The following PRPS1 variants were observed in gnomAD, a reference collection of about 807,000 sequenced individuals.
PRPS1 encodes ribose-phosphate pyrophosphokinase 1.
PRPS1 carries 1 observed loss-of-function variant against 16.9 expected under a neutral mutation model. That is an observed-to-expected ratio of 0.06 (90% CI 0.02 to 0.28). PRPS1 has a LOEUF of 0.28. Among genes scored for constraint, PRPS1 ranks in the 10% least tolerant of loss-of-function variants. PRPS1 has a pLI of 1.00. For synonymous variants in PRPS1, 70 were observed against 90.2 expected, an observed-to-expected ratio of 0.78 and a Z score of 1.27; for missense variants, 47 against 254.0, an observed-to-expected ratio of 0.19 and a Z score of 5.54.
chrX:107,632,694 A>G (rs898609014), intron 1 of PRPS1, among the ~76,000 whole-genome samples: 1 of 112,527 alleles, frequency 8.9e-6, no homozygotes, highest in African/African-American at 3.2e-5. Flanking sequence ...CACTTAATAG[A>G]TTATGTTAGG....
At chrX:107,649,768 A>G (rs1406998642) in intron 6 of PRPS1, among the ~76,000 whole-genome samples, 172 bp from the exon 7 acceptor site, 1 of 112,560 alleles carries the variant, frequency 8.9e-6, no homozygotes. Context: ...GTAAGTGGCT[A>G]TCTTAAAAAT....
At chrX:107,642,626 T>G in intron 4 of PRPS1, 136 bp downstream of exon 4, 1 of 793,125 alleles carries the variant, frequency 1.3e-6, no homozygotes, top group Non-Finnish European at 1.9e-6. Flanking sequence ...GCACATGGGT[T>G]GAATATAGTT....
Position 107,639,445 on chromosome X carries a change from C to T in PRPS1, c.273C>T (p.Cys91=). ...SASRVTAVIP[C]FPYARQDKKD... ...GCCGGGTTACTGCAGTCATCCCATG[C>T]TTCCCTTATGCCCGGCAGGATAAGA... The change falls in exon 2 of 7, where the codon TGC becomes TGT. Residue 91 remains cysteine, a synonymous_variant. Coordinates refer to ENST00000372435, the MANE Select transcript of PRPS1 (RefSeq NM_002764.4). 1 of 1,211,863 alleles carries T rather than the reference C, an allele frequency of 8.3e-7. No homozygotes were observed. Among genetic ancestry groups the T allele is most frequent in the Non-Finnish European group, 1.1e-6 (1 of 895,559 alleles).
chrX:107,649,706 C>T lies in PRPS1; in HGVS notation c.865-234C>T, dbSNP rs140185431. On this transcript the variant is annotated intron_variant, in intron 6 of 6. Transcript: ENST00000372435. Reference sequence around the variant, plus strand: ...TCCTGGCCTCAAGTGATCTGCCCACCTTGGCCTCCCAAAGTGCAGGGATTA... The same window carrying T: ...TCCTGGCCTCAAGTGATCTGCCCACTTTGGCCTCCCAAAGTGCAGGGATTA... Among the ~76,000 whole-genome samples, 6,499 of 111,864 alleles carry T rather than the reference C, an allele frequency of 0.058. 478 individuals are homozygous for T. Among genetic ancestry groups the T allele is most frequent in the African/African-American group, 0.2 (6,140 of 30,606 alleles).
Position 107,647,720 on chromosome X carries a change from T to C in PRPS1, c.819T>C (p.Asn273=). 1 of 1,211,542 alleles carries C rather than the reference T, an allele frequency of 8.3e-7. No individual in the cohort carries two copies. The highest frequency in any genetic ancestry group is 3.0e-5 in the East Asian group (1 of 33,835). ...GCTTTGAGGCAGTAGTAGTCACCAA[T>C]ACCATACCTCAGGAGGACAAGATGA... ...NACFEAVVVT[N]TIPQEDKMKH... The change falls in exon 6 of 7, where the codon AAT becomes AAC. Residue 273 remains asparagine (N), a synonymous_variant. Coordinates refer to ENST00000372435, the MANE Select transcript of PRPS1 (RefSeq NM_002764.4).
chrX:107,642,630 T>C, intron 4 of PRPS1, 140 bp downstream of exon 4: 1 of 781,580 alleles, frequency 1.3e-6, no homozygotes, highest in East Asian at 3.4e-5. Context: ...ATGGGTTGAA[T>C]ATAGTTTTAC....
intron 6 of PRPS1, 125 bp downstream of exon 6, chrX:107,647,890 C>A: frequency 1.3e-6 from 1 of 790,080 alleles, no homozygotes; most frequent in Non-Finnish European, 1.8e-6. Context: ...GTCTTGTCAT[C>A]AGAATTTGTG....
intron 4 of PRPS1, among the ~76,000 whole-genome samples, chrX:107,644,564 C>T (rs752712507): frequency 8.9e-6 from 1 of 111,919 alleles, no homozygotes; most frequent in Admixed American, 9.5e-5. Context: ...CGTGTCTTAG[C>T]GTTATACTGC....
chrX:107,645,761 C>T (rs1052836011), intron 5 of PRPS1, among the ~76,000 whole-genome samples: 1 of 111,421 alleles, frequency 9.0e-6, no homozygotes, highest in African/African-American at 3.3e-5. Context: ...TGTGTGTGCT[C>T]ATATTTTTAT....
At chrX:107,643,568 G>A (rs191758667) in intron 4 of PRPS1, among the ~76,000 whole-genome samples, 7 of 111,046 alleles carry the variant, frequency 6.3e-5, no homozygotes, top group African/African-American at 2.0e-4. Flanking sequence ...TATCACTTCT[G>A]TGTTGGCAGG....
At position 107,641,647 on chromosome X, in the gene PRPS1, C is replaced by A. The variant is rs998837048; in HGVS notation, c.405+647C>A. The stretch of plus-strand genomic sequence containing the variant: ...TGCTGCGATTACAAGCATGAGCCAC[C>A]GTGCCTGGCCTCATGGTCTTAAATT... On this transcript the variant is annotated intron_variant, in intron 3 of 6. Coordinates refer to ENST00000372435, the MANE Select transcript of PRPS1 (RefSeq NM_002764.4). Among the ~76,000 whole-genome samples the A allele has an allele frequency of 3.6e-5, 4 of 111,834 alleles. No homozygotes were observed. In the East Asian group the frequency reaches 8.4e-4, roughly 23 times the overall value.
chrX:107,630,095 A>G (rs1352422439), intron 1 of PRPS1: 1 of 112,139 alleles, frequency 8.9e-6, no homozygotes, highest in Non-Finnish European at 1.9e-5. Context: ...GATGCAAATG[A>G]TAGTGTAAAC....
At chrX:107,648,568 C>T (rs1225720516) in intron 6 of PRPS1, among the ~76,000 whole-genome samples, 1 of 108,286 alleles carries the variant, frequency 9.2e-6, no homozygotes, top group Non-Finnish European at 1.9e-5. Flanking sequence ...CACCACCATG[C>T]CCAGCTAATT....
chrX:107,630,839 T>G (rs1925293349), intron 1 of PRPS1, among the ~76,000 whole-genome samples: 1 of 111,536 alleles, frequency 9.0e-6, no homozygotes, highest in South Asian at 3.8e-4. Context: ...AACCTTTCTT[T>G]GCCCCAATAA....
At chrX:107,633,760 C>G (rs1448009949) in intron 1 of PRPS1, among the ~76,000 whole-genome samples, 4 of 110,243 alleles carry the variant, frequency 3.6e-5, no homozygotes, top group Admixed American at 9.8e-5. Context: ...AACCCCATCT[C>G]TACTAAAAAT....
chrX:107,632,941 A>G (rs749385243), intron 1 of PRPS1, among the ~76,000 whole-genome samples: 1 of 112,148 alleles, frequency 8.9e-6, no homozygotes, highest in African/African-American at 3.2e-5. Flanking sequence ...ACAAGGCAGT[A>G]TCACCTAGTT....
chrX:107,630,573 AT>A (rs200870825), intron 1 of PRPS1, among the ~76,000 whole-genome samples: 15 of 109,505 alleles, frequency 1.4e-4, no homozygotes, highest in Middle Eastern at 4.8e-3. Flanking sequence ...ACATAATCAC[AT>A]TTTTTTTTAT....
chrX:107,641,108 A>G, intron 3 of PRPS1, 108 bp downstream of exon 3: 2 of 1,196,793 alleles, frequency 1.7e-6, no homozygotes, highest in Middle Eastern at 2.3e-4. Context: ...TCTGAAATAA[A>G]CTAGATATCA....
In PRPS1 at chrX:107,648,817, T is replaced by C. The variant is rs982479966; in HGVS notation, c.864+1052T>C. Among the ~76,000 whole-genome samples the C allele has an allele frequency of 4.5e-5, 5 of 111,384 alleles. No individual in the cohort carries two copies. In the East Asian group the frequency reaches 8.5e-4, roughly 19 times the overall value. On this transcript the variant is annotated intron_variant, in intron 6 of 6. Coordinates refer to ENST00000372435, the MANE Select transcript of PRPS1 (RefSeq NM_002764.4). ...TCTTGTTGCCTAGGCTGGAGTGCAA[T>C]GGCACGATCTCAGCTCACCGCAACC... is the stretch of plus-strand genomic sequence containing the variant.
Sources: allele counts gnomAD v4.1 joint callset (sites outside exome capture counted in the v4.1 genomes callset), GRCh38; gene constraint gnomAD v4.1.1; transcripts MANE v1.5; gene names NCBI Gene and HGNC (gene_info 2026-07-23, HGNC 2026-07-21).